Variants in CYP2C18 observed in about 807,000 individuals in gnomAD.
CYP2C18 encodes the protein cytochrome P450 family 2 subfamily C member 18, also known as cytochrome P450 2C18.
A neutral mutation model predicts 41.3 loss-of-function variants in CYP2C18; 38 were observed. That is an observed-to-expected ratio of 0.92 (90% CI 0.71 to 1.21). The LOEUF (loss-of-function observed/expected upper bound fraction) is 1.21, where lower values mean the gene tolerates loss of function less well. CYP2C18 is among the 50% of genes most tolerant of loss of function. The pLI is 0.00. For missense variants in CYP2C18, 635 were observed against 591.4 expected (o/e 1.07, Z -0.77); for synonymous variants, 236 against 210.0 (o/e 1.12, Z -1.07).
Position 94,687,794 on chromosome 10 carries a change from T to G in CYP2C18, c.193T>G (p.Phe65Val), listed in dbSNP as rs146239394. Reference sequence around the variant, plus strand: ...GTTCTCAAAAGTCTATGGCCCTGTGTTCACTGTGTATTTTGGCCTGAAGCC... The same window carrying G: ...GTTCTCAAAAGTCTATGGCCCTGTGGTCACTGTGTATTTTGGCCTGAAGCC... Reference protein sequence around the residue: ...TNFSKVYGPVFTVYFGLKPIV... With the variant: ...TNFSKVYGPVVTVYFGLKPIV... The change falls in exon 2 of 9, where the codon TTC (phenylalanine) becomes GTC (valine). Residue 65 changes from phenylalanine to valine, a missense_variant. Phe to Val is a conservative substitution (Grantham distance 50). Transcript: ENST00000285979. 3 of 1,613,618 alleles carry G rather than the reference T, an allele frequency of 1.9e-6. No homozygotes were observed. The highest frequency in any genetic ancestry group is 2.5e-6 in the Non-Finnish European group (3 of 1,179,656).
chr10:94,691,856 C>A (rs1045984713), intron 3 of CYP2C18, among the ~76,000 whole-genome samples: 8 of 152,138 alleles, frequency 5.3e-5, no homozygotes, highest in African/African-American at 1.9e-4. Context: ...ACAGAGCCCT[C>A]AGAAGTAATG....
Position 94,713,541 on chromosome 10 carries a change from T to C in CYP2C18, c.819+6581T>C, listed in dbSNP as rs573978172. On this transcript the variant is annotated intron_variant, in intron 5 of 8. Coordinates refer to ENST00000285979, the MANE Select transcript of CYP2C18 (RefSeq NM_000772.3). ...CTTTTTTATGGCTGCATATATTCCA[T>C]GGTGTATATGTGCCACATTTTCTTA... Among the ~76,000 whole-genome samples the C allele has an allele frequency of 5.6e-4, 86 of 152,338 alleles. 1 individual carries two copies. The highest frequency in any genetic ancestry group is 1.8e-3 in the African/African-American group (76 of 41,576).
At position 94,706,873 on chromosome 10, in the gene CYP2C18, A is replaced by G. The variant is rs1289260020; in HGVS notation, c.732A>G (p.Val244=). Reference sequence around the variant, plus strand: ...ATTTTGCTTACATTAAAAGTTATGTATTGGAGAGAATAAAAGAACATCAAG... The same window carrying G: ...ATTTTGCTTACATTAAAAGTTATGTGTTGGAGAGAATAAAAGAACATCAAG... The part of the protein sequence containing the change: ...AENFAYIKSY[V]LERIKEHQES... The change falls in exon 5 of 9, where the codon GTA becomes GTG. Residue 244 remains valine, a synonymous_variant. Coordinates refer to ENST00000285979, the MANE Select transcript of CYP2C18 (RefSeq NM_000772.3). 5 of 1,612,030 alleles carry G rather than the reference A, an allele frequency of 3.1e-6. No individual in the cohort carries two copies. Among genetic ancestry groups the G allele is most frequent in the Admixed American group, 3.3e-5 (2 of 59,856 alleles).
chr10:94,693,705 G>T (rs1004859368), intron 3 of CYP2C18, among the ~76,000 whole-genome samples: 1 of 152,144 alleles, frequency 6.6e-6, no homozygotes, highest in Non-Finnish European at 1.5e-5. Flanking sequence ...CAGCTGAAAA[G>T]AAGCCTGGCA....
At chr10:94,731,246 G>A (rs896885466) in intron 7 of CYP2C18, among the ~76,000 whole-genome samples, 4 of 152,074 alleles carry the variant, frequency 2.6e-5, no homozygotes, top group African/African-American at 9.7e-5. Context: ...CAGGCAAGGT[G>A]GCAAGTGCCT....
chr10:94,727,108 A>C (rs1847754834), intron 7 of CYP2C18, among the ~76,000 whole-genome samples: 1 of 152,142 alleles, frequency 6.6e-6, no homozygotes, highest in South Asian at 2.1e-4. Flanking sequence ...TGGATCATTC[A>C]TGGCTACCGT....
intron 7 of CYP2C18, among the ~76,000 whole-genome samples, chr10:94,728,061 G>A (rs1296200478): frequency 6.6e-6 from 1 of 151,884 alleles, no homozygotes; most frequent in Non-Finnish European, 1.5e-5. Flanking sequence ...TGGACTTCCT[G>A]TAGTCCAGTC....
chr10:94,689,013 C>G (rs972734198), intron 3 of CYP2C18, among the ~76,000 whole-genome samples: 8 of 152,092 alleles, frequency 5.3e-5, no homozygotes, highest in African/African-American at 1.9e-4. Context: ...TCTACAATTT[C>G]TACCATAATG....
rs1390047338 is a variant in CYP2C18 at position 94,735,975 on chromosome 10, G to T, written c.*531G>T. 3 of 152,536 alleles carry T rather than the reference G, an allele frequency of 2.0e-5. No homozygotes were observed. In the East Asian group the frequency reaches 5.8e-4, roughly 30 times the overall value. The allele number at this position is 152,536 out of a possible 1,614,324, so 9.4% of individuals were successfully genotyped here. A position where few individuals can be genotyped will look rare whatever the true frequency, so the allele number is the denominator to read the frequency against. On this transcript the variant is annotated 3_prime_UTR_variant, in exon 9 of 9. Transcript: ENST00000285979. Reference sequence around the variant, plus strand: ...TAGCTAAATGCCACCTAGAGTTATTGGAGGTCTGAATTTGGAAAAAAAAAC... The same window carrying T: ...TAGCTAAATGCCACCTAGAGTTATTTGAGGTCTGAATTTGGAAAAAAAAAC...
rs1846828217 is a variant in CYP2C18, at chr10:94,683,730, G to T, written c.-90G>T. On this transcript the variant is annotated 5_prime_UTR_variant, in exon 1 of 9. Transcript: ENST00000285979. ...GCTTTTTGCTGACTAGTCACAGTCA[G>T]AGTCAGAATCACAGGTGGATTAGTA... The T allele has an allele frequency of 2.1e-6, 2 of 970,116 alleles. No homozygotes were observed. The highest frequency in any genetic ancestry group is 1.5e-6 in the Non-Finnish European group (1 of 667,892). 60.1% of individuals were successfully genotyped at this position (970,116 alleles called of 1,614,324 possible). A position where few individuals can be genotyped will look rare whatever the true frequency, so the allele number is the denominator to read the frequency against.
At chr10:94,728,901 T>C (rs183005308) in intron 7 of CYP2C18, among the ~76,000 whole-genome samples, 1 of 152,238 alleles carries the variant, frequency 6.6e-6, no homozygotes, top group Admixed American at 6.5e-5. Flanking sequence ...CCTCAACTTG[T>C]TTTTTTAACA....
At chr10:94,728,962 A>G (rs1299664967) in intron 7 of CYP2C18, among the ~76,000 whole-genome samples, 2 of 152,146 alleles carry the variant, frequency 1.3e-5, no homozygotes, top group African/African-American at 2.4e-5. Context: ...AAAAATTAAG[A>G]GCCTCGGGAG....
chr10:94,723,806 A>G (rs1003814411), intron 6 of CYP2C18, among the ~76,000 whole-genome samples: 4 of 152,172 alleles, frequency 2.6e-5, no homozygotes, highest in African/African-American at 9.6e-5. Flanking sequence ...AAAGAGAGTC[A>G]GTATTTAGAA....
At chr10:94,714,211 G>A (rs1285319420) in intron 5 of CYP2C18, among the ~76,000 whole-genome samples, 4 of 152,108 alleles carry the variant, frequency 2.6e-5, no homozygotes, top group Admixed American at 2.6e-4. Flanking sequence ...TTTGTCTTTT[G>A]TTGCCATTGC....
intron 3 of CYP2C18, among the ~76,000 whole-genome samples, chr10:94,692,291 T>C (rs1847015840): frequency 6.6e-6 from 1 of 151,664 alleles, no homozygotes; most frequent in African/African-American, 2.4e-5. Context: ...AAAGGGCTAA[T>C]ATCCAGAATC....
At chr10:94,734,573 G>A (rs1847887411) in intron 8 of CYP2C18, among the ~76,000 whole-genome samples, 1 of 152,166 alleles carries the variant, frequency 6.6e-6, no homozygotes, top group Admixed American at 6.6e-5. Context: ...GCTTCTGAAG[G>A]AAGCATAGGA....
intron 4 of CYP2C18, among the ~76,000 whole-genome samples, chr10:94,701,573 C>A (rs1228516330): frequency 6.6e-6 from 1 of 152,102 alleles, no homozygotes; most frequent in Non-Finnish European, 1.5e-5. Context: ...ACATATGTAA[C>A]AAACCTGCAC....
At chr10:94,729,782 G>A (rs1847798897) in intron 7 of CYP2C18, among the ~76,000 whole-genome samples, 1 of 152,098 alleles carries the variant, frequency 6.6e-6, no homozygotes, top group Admixed American at 6.5e-5. Context: ...AAAAATGAGG[G>A]AGGACTTTTG....
intron 6 of CYP2C18, among the ~76,000 whole-genome samples, chr10:94,723,427 G>A (rs576001464): frequency 2.0e-5 from 3 of 152,240 alleles, no homozygotes; most frequent in African/African-American, 7.2e-5. Flanking sequence ...ATTATTTTTA[G>A]TGTTTAGAAA....
Sources: allele counts gnomAD v4.1 joint callset (sites outside exome capture counted in the v4.1 genomes callset), GRCh38; gene constraint gnomAD v4.1.1; transcripts MANE v1.5; gene names NCBI Gene and HGNC (gene_info 2026-07-23, HGNC 2026-07-21).